Variants in TAB2 observed in about 807,000 individuals in gnomAD.
TAB2 encodes the protein TGF-beta-activated kinase 1 and MAP3K7-binding protein 2.
TAB2 carries 3 observed loss-of-function variants against 65.0 expected under a neutral mutation model. That is an observed-to-expected ratio of 0.05 (90% CI 0.02 to 0.12). The LOEUF is 0.12. TAB2 is among the 10% of genes least tolerant of loss of function. The pLI, the probability that TAB2 is intolerant of heterozygous loss-of-function variation, is 1.00. For synonymous variants in TAB2, 298 were observed against 285.1 expected, an observed-to-expected ratio of 1.05 and a Z score of -0.46; for missense variants, 623 against 840.3, an observed-to-expected ratio of 0.74 and a Z score of 3.20.
intron 1 of TAB2, among the ~76,000 whole-genome samples, chr6:149,243,097 C>T (rs1188469940): frequency 6.6e-6 from 1 of 152,244 alleles, no homozygotes; most frequent in East Asian, 1.9e-4. Flanking sequence ...CCTGCTGACT[C>T]ATAGTGTAAA....
At chr6:149,289,040 G>A (rs1009793441) in intron 1 of TAB2, among the ~76,000 whole-genome samples, 6 of 151,676 alleles carry the variant, frequency 4.0e-5, no homozygotes, top group Admixed American at 2.6e-4. Flanking sequence ...TGTATTTTTA[G>A]TAGAGATGGG....
At chr6:149,252,859 T>C (rs894459292) in intron 1 of TAB2, among the ~76,000 whole-genome samples, 2 of 152,162 alleles carry the variant, frequency 1.3e-5, no homozygotes, top group African/African-American at 4.8e-5. Context: ...CCACTTGCCC[T>C]ATTTCTCTTC....
At chr6:149,222,310 C>T (rs1777165277) in intron 1 of TAB2, among the ~76,000 whole-genome samples, 1 of 152,118 alleles carries the variant, frequency 6.6e-6, no homozygotes, top group Non-Finnish European at 1.5e-5. Flanking sequence ...ATCACACGAG[C>T]CAATCCCTCA....
chr6:149,264,006 T>C (rs1028536173), intron 1 of TAB2, among the ~76,000 whole-genome samples: 1 of 152,206 alleles, frequency 6.6e-6, no homozygotes, highest in Non-Finnish European at 1.5e-5. Context: ...TGAATGCGTC[T>C]CAGTTTATGC....
intron 1 of TAB2, among the ~76,000 whole-genome samples, chr6:149,319,837 C>CT (rs1317495168): frequency 4.6e-5 from 7 of 152,188 alleles, no homozygotes; most frequent in African/African-American, 1.7e-4. Flanking sequence ...TGAAATGCTA[C>CT]TATTGAACCC....
At chr6:149,326,062 C>T (rs891481294) in intron 1 of TAB2, among the ~76,000 whole-genome samples, 2 of 152,052 alleles carry the variant, frequency 1.3e-5, no homozygotes, top group African/African-American at 4.8e-5. Context: ...GCAGCTATAG[C>T]AATGGTTTTA....
At chr6:149,394,456 A>T (rs1036775800) in intron 3 of TAB2, among the ~76,000 whole-genome samples, 2 of 152,102 alleles carry the variant, frequency 1.3e-5, no homozygotes, top group Non-Finnish European at 2.9e-5. Context: ...TCTCTTGATG[A>T]TGAATTACAT....
intron 3 of TAB2, among the ~76,000 whole-genome samples, chr6:149,386,777 C>T (rs761040222): frequency 2.0e-5 from 3 of 152,142 alleles, no homozygotes; most frequent in East Asian, 1.9e-4. Flanking sequence ...TTTTCAACAA[C>T]GCTTTTATCT....
chr6:149,300,129 C>A (rs1360094828), intron 1 of TAB2, among the ~76,000 whole-genome samples: 2 of 152,108 alleles, frequency 1.3e-5, no homozygotes, highest in Admixed American at 1.3e-4. Context: ...GGAACAGTAT[C>A]TTGTATAGGA....
At chr6:149,351,222 T>G (rs1780479343) in intron 1 of TAB2, among the ~76,000 whole-genome samples, 1 of 152,224 alleles carries the variant, frequency 6.6e-6, no homozygotes, top group Admixed American at 6.5e-5. Context: ...GTTTGTCATG[T>G]AGCTTTGTCA....
intron 1 of TAB2, among the ~76,000 whole-genome samples, chr6:149,275,141 T>TTTA (rs1342262191): frequency 6.1e-5 from 9 of 148,220 alleles, no homozygotes; most frequent in South Asian, 2.2e-4. Flanking sequence ...TTTTTTTTTT[T>TTTA]TTGAGTTGGA....
intron 1 of TAB2, among the ~76,000 whole-genome samples, chr6:149,288,730 C>T (rs1474905898): frequency 1.3e-5 from 2 of 152,124 alleles, no homozygotes; most frequent in East Asian, 3.8e-4. Flanking sequence ...TCTGCTGAGT[C>T]ACTTGAACTA....
chr6:149,248,081 TAAAA>T (rs1363307480), intron 1 of TAB2, among the ~76,000 whole-genome samples: 1 of 151,860 alleles, frequency 6.6e-6, no homozygotes, highest in African/African-American at 2.4e-5. Context: ...TAAAATAAAA[TAAAA>T]GACAGAAAGA....
chr6:149,223,880 C>T (rs1777211084), intron 1 of TAB2, among the ~76,000 whole-genome samples: 1 of 151,914 alleles, frequency 6.6e-6, no homozygotes, highest in Admixed American at 6.6e-5. Flanking sequence ...GCTGAGACTA[C>T]ACACCTCCCC....
chr6:149,271,508 G>C (rs1421655611), intron 1 of TAB2, among the ~76,000 whole-genome samples: 1 of 152,172 alleles, frequency 6.6e-6, no homozygotes. Flanking sequence ...ATTTCTACCT[G>C]AGTGAAAAGA....
intron 3 of TAB2, among the ~76,000 whole-genome samples, chr6:149,386,490 C>G (rs1164400779): frequency 6.6e-6 from 1 of 152,062 alleles, no homozygotes; most frequent in Non-Finnish European, 1.5e-5. Flanking sequence ...AACCACTAAT[C>G]TACTTTCTTT....
chr6:149,400,997 GTCTTA>G (rs532583180), intron 6 of TAB2: 24 of 270,798 alleles, frequency 8.9e-5, no homozygotes, highest in Non-Finnish European at 1.4e-4. Flanking sequence ...GTTCATTCAG[GTCTTA>G]TCTTTATATT....
intron 1 of TAB2, among the ~76,000 whole-genome samples, chr6:149,358,553 A>G (rs1431434229): frequency 6.6e-6 from 1 of 151,380 alleles, no homozygotes; most frequent in African/African-American, 2.4e-5. Flanking sequence ...TGATTGTTTT[A>G]AAGATAAAAT....
In TAB2 at chr6:149,397,623, G is replaced by A; in HGVS notation, c.1623G>A (p.Lys541=). The change falls in exon 4 of 7, where the codon AAG becomes AAA. Residue 541 remains lysine (K), a synonymous_variant. Transcript: ENST00000637181. Reference sequence around the variant, plus strand: ...TTGCAGCTCTTTTGGTACACCAGAAGGCCAGAATGGAACGACTTCAAAGAG... The same window carrying A: ...TTGCAGCTCTTTTGGTACACCAGAAAGCCAGAATGGAACGACTTCAAAGAG... ...AYTQALLVHQ[K]ARMERLQREL... is the part of the protein sequence containing the mutation. The A allele has an allele frequency of 6.2e-7, 1 of 1,614,026 alleles. No individual in the cohort carries two copies. The highest frequency in any genetic ancestry group is 1.3e-5 in the African/African-American group (1 of 75,004).
Sources: allele counts gnomAD v4.1 joint callset (sites outside exome capture counted in the v4.1 genomes callset), GRCh38; gene constraint gnomAD v4.1.1; transcripts MANE v1.5; gene names NCBI Gene and HGNC (gene_info 2026-07-23, HGNC 2026-07-21).